Variants in YEATS2 observed in about 807,000 individuals in gnomAD.
YEATS2 encodes the protein YEATS domain containing 2.
Under a neutral mutation model 163.2 loss-of-function variants are expected in YEATS2, and 77 were observed. The ratio of observed to expected loss-of-function variants is 0.47; its 90% CI spans 0.39 to 0.57. YEATS2 has a LOEUF of 0.57. YEATS2 is among the 20% of genes least tolerant of loss of function. YEATS2 has a pLI of 0.00. For synonymous variants in YEATS2, 631 were observed against 645.1 expected, an observed-to-expected ratio of 0.98 and a Z score of 0.33; for missense variants, 1,549 against 1,729.8, an observed-to-expected ratio of 0.90 and a Z score of 1.85.
intron 1 of YEATS2, among the ~76,000 whole-genome samples, chr3:183,702,670 C>G (rs993274556): frequency 6.6e-6 from 1 of 151,842 alleles, no homozygotes; most frequent in Non-Finnish European, 1.5e-5. Flanking sequence ...AACCCCGTCT[C>G]TACTAAAAAT....
In YEATS2 at chr3:183,708,237, C is replaced by G. The variant is rs1293082100; in HGVS notation, c.-19-6907C>G. ...AGTGCAGTGGCACGATCTCGGCTCACTGCAACCTCTGCCTCCTGGGTTCAA... is the reference window on the plus strand; with the variant it reads ...AGTGCAGTGGCACGATCTCGGCTCAGTGCAACCTCTGCCTCCTGGGTTCAA... On this transcript the variant is annotated intron_variant, in intron 1 of 30. Coordinates refer to ENST00000305135, the MANE Select transcript of YEATS2 (RefSeq NM_018023.5). 1.1e-4 allele frequency among the ~76,000 whole-genome samples: 16 copies of G among 148,904 alleles called. No individual in the cohort carries two copies. The Admixed American group carries it at 1.1e-3, about 10-fold the overall frequency.
At chr3:183,708,503 T>C (rs1714857167) in intron 1 of YEATS2, among the ~76,000 whole-genome samples, 1 of 152,194 alleles carries the variant, frequency 6.6e-6, no homozygotes, top group South Asian at 2.1e-4. Context: ...ATCATCTTTA[T>C]GGTTTTTATT....
At position 183,810,478 on chromosome 3, in the gene YEATS2, T is replaced by C; in HGVS notation, c.4164T>C (p.Ile1388=). ...CACCCTTTGTTTTTTGGACCAGGAT[T>C]CCCAAAGAAATTACAGTGAGTAATA... ...VGYQTASHNR[I]PKEITVSNIH... is the part of the protein sequence containing the mutation. Residue 1388 remains isoleucine, a synonymous_variant, in exon 31 of 31, where the codon ATT becomes ATC. Transcript: ENST00000305135. 1 of 1,613,808 alleles carries C rather than the reference T, an allele frequency of 6.2e-7. No individual in the cohort carries two copies. Among genetic ancestry groups the C allele is most frequent in the Non-Finnish European group, 8.5e-7 (1 of 1,179,754 alleles).
chr3:183,740,635 G>A (rs1030690904), intron 8 of YEATS2, among the ~76,000 whole-genome samples: 1 of 152,234 alleles, frequency 6.6e-6, no homozygotes, highest in Non-Finnish European at 1.5e-5. Flanking sequence ...AGCTTCAGAG[G>A]AAAAGTATGA....
chr3:183,741,714 G>A (rs374361165), intron 8 of YEATS2, among the ~76,000 whole-genome samples: 16 of 152,014 alleles, frequency 1.1e-4, no homozygotes, highest in Non-Finnish European at 2.2e-4. Flanking sequence ...CCCAGGAGGC[G>A]AAGTTTGCAG....
At chr3:183,776,667 G>A (rs2606219) in intron 18 of YEATS2, among the ~76,000 whole-genome samples, 62,186 of 151,938 alleles carry the variant, frequency 0.41, 13,344 homozygotes, top group Middle Eastern at 0.54. Context: ...TAGAATTTGG[G>A]TTTAAGCCAG....
intron 1 of YEATS2, among the ~76,000 whole-genome samples, chr3:183,714,901 T>C (rs1257846771): frequency 6.6e-6 from 1 of 151,862 alleles, no homozygotes; most frequent in Non-Finnish European, 1.5e-5. Context: ...TGTTAACAGA[T>C]GATTATGATT....
intron 15 of YEATS2, 95 bp from the exon 16 acceptor site, chr3:183,772,209 AT>A: frequency 6.5e-7 from 1 of 1,540,574 alleles, no homozygotes; most frequent in Non-Finnish European, 8.9e-7. Flanking sequence ...GGCTGCATGT[AT>A]TATGTGCAGG....
chr3:183,725,032 C>T (rs1382715281), intron 6 of YEATS2, among the ~76,000 whole-genome samples: 3 of 145,792 alleles, frequency 2.1e-5, no homozygotes, highest in African/African-American at 5.0e-5. Context: ...TGTGAGCCAC[C>T]GTGCCGGCCT....
At chr3:183,768,674 G>A (rs1223340099) in intron 15 of YEATS2, among the ~76,000 whole-genome samples, 2 of 152,116 alleles carry the variant, frequency 1.3e-5, no homozygotes, top group African/African-American at 4.8e-5. Flanking sequence ...CCTGCAGAAT[G>A]AAGTTCATGC....
chr3:183,772,214 G>C (rs968920247), intron 15 of YEATS2, 91 bp from the exon 16 acceptor site: 20 of 1,559,796 alleles, frequency 1.3e-5, no homozygotes, highest in Non-Finnish European at 1.8e-5. Flanking sequence ...CATGTATTAT[G>C]TGCAGGCCTT....
chr3:183,741,139 G>A (rs114519350), intron 8 of YEATS2, among the ~76,000 whole-genome samples: 4,199 of 151,738 alleles, frequency 0.028, 186 homozygotes, highest in African/African-American at 0.095. Flanking sequence ...GGGTTTCACC[G>A]TGTTGTCCTG....
intron 1 of YEATS2, among the ~76,000 whole-genome samples, chr3:183,705,932 C>T (rs1714572513): frequency 1.3e-5 from 2 of 151,158 alleles, no homozygotes; most frequent in African/African-American, 4.9e-5. Context: ...CCCAGCTACT[C>T]GGGAGGCTGA....
At chr3:183,807,300 C>A in intron 28 of YEATS2, 2 of 553,234 alleles carry the variant, frequency 3.6e-6, no homozygotes, top group South Asian at 4.5e-5. Flanking sequence ...ACATCAGAGC[C>A]CTTGGGCAGA....
chr3:183,783,601 T>C (rs1312557662), intron 19 of YEATS2, among the ~76,000 whole-genome samples: 1 of 152,210 alleles, frequency 6.6e-6, no homozygotes, highest in East Asian at 1.9e-4. Flanking sequence ...CATCTTTGTG[T>C]CCATTTACCC....
In YEATS2 at chr3:183,776,120, C is replaced by G; in HGVS notation, c.2574C>G (p.Pro858=). Residue 858 remains proline (P), a synonymous_variant, in exon 18 of 31, where the codon CCC becomes CCG. Transcript: ENST00000305135. ...TYTSYILKQT[P]QGTFLVGQPS... Reference sequence around the variant, plus strand: ...CATCTTACATCCTCAAGCAAACTCCCCAGGTCTGGTTCTCTGTAACTGATA... The same window carrying G: ...CATCTTACATCCTCAAGCAAACTCCGCAGGTCTGGTTCTCTGTAACTGATA... The G allele has an allele frequency of 6.4e-7, 1 of 1,566,850 alleles. No individual in the cohort carries two copies. Among genetic ancestry groups the G allele is most frequent in the Non-Finnish European group, 8.6e-7 (1 of 1,157,816 alleles).
chr3:183,795,607 A>G (rs1050839443), intron 21 of YEATS2, among the ~76,000 whole-genome samples: 45 of 151,790 alleles, frequency 3.0e-4, no homozygotes, highest in African/African-American at 1.1e-3. Context: ...GGCCCTACAC[A>G]TTCTTTTACA....
chr3:183,735,334 C>A (rs1168781563), intron 7 of YEATS2, among the ~76,000 whole-genome samples: 1 of 152,178 alleles, frequency 6.6e-6, no homozygotes, highest in Non-Finnish European at 1.5e-5. Context: ...GTATCTCTGG[C>A]TGTGGGTCCC....
chr3:183,715,096 C>T, intron 1 of YEATS2, 48 bp from the exon 2 acceptor site: 1 of 1,208,542 alleles, frequency 8.3e-7, no homozygotes, highest in Non-Finnish European at 1.2e-6. Flanking sequence ...TACAACCCAA[C>T]TATTTAACTG....
Sources: gnomAD v4.1 joint callset for allele counts (sites outside exome capture counted in the v4.1 genomes callset) on GRCh38, gnomAD v4.1.1 for gene constraint, MANE v1.5 for transcripts, NCBI Gene and HGNC (gene_info 2026-07-23, HGNC 2026-07-21) for gene names.